UBE2H: variants seen among roughly 807,000 people sequenced by gnomAD.
UBE2H encodes ubiquitin-conjugating enzyme E2 H.
Under a neutral mutation model 29.0 loss-of-function variants are expected in UBE2H, and 3 were observed. That is an observed-to-expected ratio of 0.10 (90% CI 0.05 to 0.27). The LOEUF is 0.27. Ranked by LOEUF, UBE2H falls within the 10% of genes least tolerant of loss-of-function variation. UBE2H has a pLI of 1.00. For missense variants in UBE2H, 68 were observed against 228.2 expected (o/e 0.30, Z 4.52); for synonymous variants, 69 against 82.9 (o/e 0.83, Z 0.91).
intron 1 of UBE2H, among the ~76,000 whole-genome samples, chr7:129,884,967 T>A (rs1763411092): frequency 6.6e-6 from 1 of 151,888 alleles, no homozygotes; most frequent in Admixed American, 6.6e-5. Context: ...TTGGAAGGCC[T>A]AAGGCAGGAA....
In UBE2H at chr7:129,834,775, C is replaced by G; in HGVS notation, c.*162G>C. 1.2e-6 allele frequency: 1 copy of G among 839,308 alleles called. No homozygotes were observed. Among genetic ancestry groups the G allele is most frequent in the Non-Finnish European group, 1.7e-6 (1 of 581,064 alleles). 52.0% of individuals were successfully genotyped at this position (839,308 alleles called of 1,614,324 possible). ...TCAGGTTGAGAAATGACCAAGAAAT[C>G]AAGATCTAAAGGGTGATATATAATA... On this transcript the variant is annotated 3_prime_UTR_variant, in exon 7 of 7. Transcript: ENST00000355621.
chr7:129,918,803 C>T, intron 1 of UBE2H, among the ~76,000 whole-genome samples: 1 of 152,166 alleles, frequency 6.6e-6, no homozygotes, highest in South Asian at 2.1e-4. Flanking sequence ...AGAAAGAAGG[C>T]TGTGCACTGT....
At chr7:129,908,824 G>A (rs1439333204) in intron 1 of UBE2H, among the ~76,000 whole-genome samples, 1 of 152,162 alleles carries the variant, frequency 6.6e-6, no homozygotes, top group Non-Finnish European at 1.5e-5. Context: ...CCAGTAAAGG[G>A]AAGAAATGGG....
intron 1 of UBE2H, among the ~76,000 whole-genome samples, chr7:129,944,758 ACG>A (rs1477591230): frequency 6.6e-6 from 1 of 150,478 alleles, no homozygotes; most frequent in African/African-American, 2.4e-5. Context: ...ACACGCACGC[ACG>A]CACGCGCATG....
chr7:129,861,675 TG>T (rs1226677400), intron 3 of UBE2H, among the ~76,000 whole-genome samples: 1 of 152,320 alleles, frequency 6.6e-6, no homozygotes, highest in East Asian at 1.9e-4. Context: ...ACGGATTACT[TG>T]ATGTCAGGAG....
chr7:129,852,117 T>C (rs1258022013), intron 5 of UBE2H, among the ~76,000 whole-genome samples: 1 of 152,170 alleles, frequency 6.6e-6, no homozygotes, highest in Non-Finnish European at 1.5e-5. Flanking sequence ...CAATTAATCA[T>C]CCATGAAGAC....
chr7:129,951,870 G>C (rs1211316436), intron 1 of UBE2H, among the ~76,000 whole-genome samples: 1 of 152,158 alleles, frequency 6.6e-6, no homozygotes, highest in Non-Finnish European at 1.5e-5. Flanking sequence ...GACAGGCTTT[G>C]TCAGTGGAAA....
chr7:129,909,978 G>T (rs139092301), intron 1 of UBE2H, among the ~76,000 whole-genome samples: 2 of 152,168 alleles, frequency 1.3e-5, no homozygotes, highest in Non-Finnish European at 2.9e-5. Flanking sequence ...AAATATAGAG[G>T]GGGGGTGATT....
At chr7:129,923,050 G>A (rs1027309515) in intron 1 of UBE2H, among the ~76,000 whole-genome samples, 2 of 151,864 alleles carry the variant, frequency 1.3e-5, no homozygotes, top group African/African-American at 2.4e-5. Context: ...ACAGGCACCC[G>A]CCACCAAGCC....
chr7:129,859,676 C>T (rs1805765191), intron 3 of UBE2H, among the ~76,000 whole-genome samples: 1 of 152,102 alleles, frequency 6.6e-6, no homozygotes, highest in Admixed American at 6.5e-5. Flanking sequence ...TTAATAAAAC[C>T]AGTTATTCAG....
At chr7:129,858,427 A>G (rs541535318) in intron 4 of UBE2H, among the ~76,000 whole-genome samples, 8 of 152,330 alleles carry the variant, frequency 5.3e-5, no homozygotes, top group African/African-American at 1.9e-4. Context: ...AGTATAAAAC[A>G]GGATATGCTG....
At chr7:129,922,145 G>A (rs141193585) in intron 1 of UBE2H, among the ~76,000 whole-genome samples, 2,386 of 151,970 alleles carry the variant, frequency 0.016, 26 homozygotes, top group Non-Finnish European at 0.026. Context: ...CAGCCACCAC[G>A]CCTGGCTAAT....
chr7:129,871,260 C>T (rs1179661872), intron 3 of UBE2H, among the ~76,000 whole-genome samples: 1 of 152,230 alleles, frequency 6.6e-6, no homozygotes, highest in Non-Finnish European at 1.5e-5. Flanking sequence ...CAGCCAAAGC[C>T]TCAGCTGCCA....
intron 1 of UBE2H, among the ~76,000 whole-genome samples, chr7:129,888,137 TTGAAA>T (rs1468562748): frequency 6.6e-6 from 1 of 152,188 alleles, no homozygotes; most frequent in Non-Finnish European, 1.5e-5. Flanking sequence ...AGGCTCCTGA[TTGAAA>T]TAAGAAGCTG....
At chr7:129,841,448 T>C (rs1348994134) in intron 5 of UBE2H, among the ~76,000 whole-genome samples, 1 of 152,218 alleles carries the variant, frequency 6.6e-6, no homozygotes, top group Non-Finnish European at 1.5e-5. Context: ...TTATATGTGC[T>C]CACCTAAACC....
intron 1 of UBE2H, among the ~76,000 whole-genome samples, chr7:129,889,106 T>C (rs943004542): frequency 6.6e-6 from 1 of 152,186 alleles, no homozygotes; most frequent in South Asian, 2.1e-4. Flanking sequence ...TACTAGAAAG[T>C]AGGCCAAGAC....
At chr7:129,927,856 A>G (rs561423879) in intron 1 of UBE2H, among the ~76,000 whole-genome samples, 57 of 152,200 alleles carry the variant, frequency 3.7e-4, no homozygotes, top group Non-Finnish European at 8.2e-4. Flanking sequence ...TTACAGATAG[A>G]TAAGAGAAAT....
At chr7:129,927,867 AAGTCTT>A (rs765790404) in intron 1 of UBE2H, among the ~76,000 whole-genome samples, 1 of 151,980 alleles carries the variant, frequency 6.6e-6, no homozygotes, top group Non-Finnish European at 1.5e-5. Flanking sequence ...TAAGAGAAAT[AAGTCTT>A]AGTGTGCATT....
intron 1 of UBE2H, among the ~76,000 whole-genome samples, chr7:129,904,658 G>A (rs1267002344): frequency 6.6e-6 from 1 of 152,136 alleles, no homozygotes; most frequent in Admixed American, 6.5e-5. Context: ...GACTAGCCTC[G>A]GCTACGTGTC....
Sources: gnomAD v4.1 joint callset for allele counts (sites outside exome capture counted in the v4.1 genomes callset) on GRCh38, gnomAD v4.1.1 for gene constraint, MANE v1.5 for transcripts, NCBI Gene and HGNC (gene_info 2026-07-23, HGNC 2026-07-21) for gene names.